The following COQ7 variants were observed in gnomAD, a reference collection of about 807,000 sequenced individuals.
COQ7 encodes the protein NADPH-dependent 3-demethoxyubiquinone 3-hydroxylase, mitochondrial.
Under a neutral mutation model 25.0 loss-of-function variants are expected in COQ7, and 21 were observed. The ratio of observed to expected loss-of-function variants is 0.84; its 90% CI spans 0.60 to 1.21. The LOEUF is 1.21. COQ7 is among the 50% of genes most tolerant of loss of function. The pLI, the probability that COQ7 is intolerant of heterozygous loss-of-function variation, is 0.00. For missense variants in COQ7, 311 were observed against 296.2 expected (o/e 1.05, Z -0.37); for synonymous variants, 125 against 112.4 (o/e 1.11, Z -0.71).
At chr16:19,078,003 C>T in intron 5 of COQ7, 78 bp from the exon 6 acceptor site, 1 of 1,060,040 alleles carries the variant, frequency 9.4e-7, no homozygotes, top group East Asian at 2.8e-5. Context: ...AATCCAAAGC[C>T]TGCCCTGCCA....
chr16:19,072,860 C>T (rs1443600664), intron 2 of COQ7, among the ~76,000 whole-genome samples: 2 of 152,196 alleles, frequency 1.3e-5, no homozygotes, highest in Non-Finnish European at 1.5e-5. Context: ...AGCATTCTCC[C>T]TTTTTCCTCT....
intron 3 of COQ7, 85 bp downstream of exon 3, chr16:19,074,120 T>C: frequency 2.0e-6 from 2 of 1,025,100 alleles, no homozygotes; most frequent in Non-Finnish European, 2.9e-6. Context: ...CAATTCTTGC[T>C]GTGTCCTCTT....
At position 19,067,654 on chromosome 16, in the gene COQ7, T is replaced by C. The variant is rs778778641; in HGVS notation, c.-11T>C. ...CGTTCAACGAAGTGGTTGCTTTTTT[T>C]AGTTCCGGCAATGAGTTGCGCCGGG... On this transcript the variant is annotated 5_prime_UTR_variant, in exon 1 of 6. Coordinates refer to ENST00000321998, the MANE Select transcript of COQ7 (RefSeq NM_016138.5). 8.1e-6 allele frequency: 13 copies of C among 1,613,502 alleles called. No individual in the cohort carries two copies. Among genetic ancestry groups the C allele is most frequent in the African/African-American group, 2.7e-5 (2 of 74,910 alleles).
intron 5 of COQ7, among the ~76,000 whole-genome samples, chr16:19,077,671 C>T (rs914610077): frequency 7.4e-6 from 1 of 134,278 alleles, no homozygotes; most frequent in African/African-American, 2.6e-5. Context: ...TCACTGCAGC[C>T]TCCTCCTTCC....
At position 19,071,564 on chromosome 16, in the gene COQ7, G is replaced by A. The variant is rs149554660; in HGVS notation, c.74-364G>A. On this transcript the variant is annotated intron_variant, in intron 1 of 5. Transcript: ENST00000321998. ...CCAGAGATTGACTGGGGAAGAGCACGGTGTTTTTGAAAGCTCTGTATGGGC... is the reference window on the plus strand; with the variant it reads ...CCAGAGATTGACTGGGGAAGAGCACAGTGTTTTTGAAAGCTCTGTATGGGC... 1.3e-3 allele frequency among the ~76,000 whole-genome samples: 202 copies of A among 152,332 alleles called. 1 individual carries two copies. The highest frequency in any genetic ancestry group is 4.6e-3 in the African/African-American group (192 of 41,566).
Position 19,076,100 on chromosome 16 carries a change from A to G in COQ7, c.507+240A>G, listed in dbSNP as rs58113237. On this transcript the variant is annotated intron_variant, in intron 4 of 5. Transcript: ENST00000321998. ...TGTCTCCTTTGTCTTTTTTCTTTTT[A>G]TTTAGAGATGAGGTCTTGCTCCGTT... Among the ~76,000 whole-genome samples the G allele has an allele frequency of 0.043, 6,450 of 151,694 alleles. 189 individuals carry two copies. Among genetic ancestry groups the G allele is most frequent in the South Asian group, 0.13 (616 of 4,784 alleles).
intron 2 of COQ7, among the ~76,000 whole-genome samples, chr16:19,072,668 A>T (rs1420254110): frequency 6.6e-6 from 1 of 152,162 alleles, no homozygotes; most frequent in Non-Finnish European, 1.5e-5. Context: ...TACAAGTTAA[A>T]TGGCCTGCCC....
intron 2 of COQ7, among the ~76,000 whole-genome samples, chr16:19,072,890 G>C (rs1019938565): frequency 2.0e-5 from 3 of 152,186 alleles, no homozygotes; most frequent in Admixed American, 2.0e-4. Flanking sequence ...AATATTCAGG[G>C]CCGGGTGTGG....
chr16:19,073,593 G>A (rs927331441), intron 2 of COQ7, among the ~76,000 whole-genome samples: 1 of 152,202 alleles, frequency 6.6e-6, no homozygotes, highest in African/African-American at 2.4e-5. Flanking sequence ...TTTGAAATGG[G>A]TTAAACATGT....
intron 4 of COQ7, among the ~76,000 whole-genome samples, chr16:19,076,745 C>T (rs1485158661): frequency 6.6e-6 from 1 of 151,958 alleles, no homozygotes. Context: ...ACATGCACCA[C>T]CACGCCCAGC....
chr16:19,074,010 G>A lies in COQ7; in HGVS notation c.342G>A (p.Leu114=). The A allele has an allele frequency of 6.2e-7, 1 of 1,613,646 alleles. No individual in the cohort carries two copies. Among genetic ancestry groups the A allele is most frequent in the Non-Finnish European group, 8.5e-7 (1 of 1,179,876 alleles). Reference sequence around the variant, plus strand: ...TCCGGCCAACAGTTCTGATGCCCTTGTGGAACGTGCTGGGGTTTGCACTGG... The same window carrying A: ...TCCGGCCAACAGTTCTGATGCCCTTATGGAACGTGCTGGGGTTTGCACTGG... ...FRVRPTVLMP[L]WNVLGFALGA... The change falls in exon 3 of 6, where the codon TTG becomes TTA. Residue 114 remains leucine (L), a synonymous_variant. Transcript: ENST00000321998.
Position 19,073,943 on chromosome 16 carries a change from A to G in COQ7, c.275A>G (p.Asp92Gly). The stretch of plus-strand genomic sequence containing the variant: ...CAGAAAATGTGGGATCAAGAAAAGG[A>G]CCATTTGAAAAAGTTCAATGAGTTG... ...VIQKMWDQEKDHLKKFNELMV... is the reference protein window; with the variant it reads ...VIQKMWDQEKGHLKKFNELMV... The change falls in exon 3 of 6, where the codon GAC (aspartate) becomes GGC (glycine). Residue 92 changes from aspartate to glycine, a missense_variant. Physicochemically the swap from Asp to Gly is moderately conservative, Grantham distance 94 (BLOSUM62 -1). Transcript: ENST00000321998. The G allele has an allele frequency of 1.2e-6, 2 of 1,613,764 alleles. No homozygotes were observed. The highest frequency in any genetic ancestry group is 1.7e-6 in the Non-Finnish European group (2 of 1,179,862).
chr16:19,076,961 T>G (rs998976253), intron 4 of COQ7, among the ~76,000 whole-genome samples: 1 of 152,258 alleles, frequency 6.6e-6, no homozygotes, highest in Non-Finnish European at 1.5e-5. Context: ...AATAAATGAA[T>G]AGATATCCTG....
At chr16:19,072,489 T>TAACC (rs1962615156) in intron 2 of COQ7, 2 of 177,410 alleles carry the variant, frequency 1.1e-5, no homozygotes, top group African/African-American at 4.7e-5. Flanking sequence ...CTGAAATTTG[T>TAACC]AGTTACACAG....
chr16:19,069,473 C>A (rs912984911), intron 1 of COQ7, among the ~76,000 whole-genome samples: 1 of 143,400 alleles, frequency 7.0e-6, no homozygotes, highest in Non-Finnish European at 1.5e-5. Context: ...TGCAGTGGCG[C>A]GATCTCAGCT....
intron 1 of COQ7, among the ~76,000 whole-genome samples, chr16:19,070,560 C>T (rs1476647952): frequency 1.3e-5 from 2 of 151,844 alleles, no homozygotes; most frequent in Non-Finnish European, 2.9e-5. Flanking sequence ...TGGTGAAACC[C>T]CGTCTCTACT....
In COQ7 at chr16:19,076,193, C is replaced by T. The variant is rs1962829880; in HGVS notation, c.507+333C>T. On this transcript the variant is annotated intron_variant, in intron 4 of 5. Transcript: ENST00000321998. ...CTTCAAACTCTTGGGTTCAAGTGAT[C>T]CTCCTGCCTCAGCCTCCCGAGTAGC... Among the ~76,000 whole-genome samples the T allele has an allele frequency of 1.3e-5, 2 of 151,812 alleles. 1 individual carries two copies. The highest frequency in any genetic ancestry group is 2.9e-5 in the Non-Finnish European group (2 of 67,956).
At chr16:19,076,884 G>A (rs9926597) in intron 4 of COQ7, among the ~76,000 whole-genome samples, 1,693 of 152,206 alleles carry the variant, frequency 0.011, 32 homozygotes, top group African/African-American at 0.039. Flanking sequence ...GAGCCACCGC[G>A]CCCGGCCCAC....
chr16:19,076,638 A>G (rs1410240817), intron 4 of COQ7, among the ~76,000 whole-genome samples: 6 of 138,672 alleles, frequency 4.3e-5, no homozygotes, highest in Admixed American at 3.2e-4. Context: ...TCTGTCCCCA[A>G]GGCTGGAGTG....
Sources: gnomAD v4.1 joint callset for allele counts (sites outside exome capture counted in the v4.1 genomes callset) on GRCh38, gnomAD v4.1.1 for gene constraint, MANE v1.5 for transcripts, NCBI Gene and HGNC (gene_info 2026-07-23, HGNC 2026-07-21) for gene names.